The following TSHR variants were observed in gnomAD, a reference collection of about 807,000 sequenced individuals.
TSHR encodes the protein thyroid stimulating hormone receptor.
In TSHR, 51 loss-of-function variants were observed where a neutral mutation model predicts 64.1. The observed-to-expected ratio is 0.80, with a 90% CI of 0.64 to 1.01. TSHR has a LOEUF of 1.01. TSHR is among the 50% of genes least tolerant of loss of function. The pLI is 0.00. For missense variants in TSHR, 877 were observed against 942.8 expected (o/e 0.93, Z 0.91); for synonymous variants, 361 against 361.9 (o/e 1.00, Z 0.03).
At chr14:80,962,031 C>T (rs1034590794) in intron 1 of TSHR, among the ~76,000 whole-genome samples, 4 of 152,260 alleles carry the variant, frequency 2.6e-5, no homozygotes, top group South Asian at 2.1e-4. Context: ...GTGAGATCCT[C>T]CGGGTTGAAT....
At chr14:81,044,269 G>A (rs1424866728) in intron 1 of TSHR, among the ~76,000 whole-genome samples, 1 of 152,000 alleles carries the variant, frequency 6.6e-6, no homozygotes, top group African/African-American at 2.4e-5. Flanking sequence ...ATGGGCAAAG[G>A]ACAGGAATGG....
At chr14:80,959,366 C>T (rs1886897932) in intron 1 of TSHR, 1 of 152,162 alleles carries the variant, frequency 6.6e-6, no homozygotes, top group Non-Finnish European at 1.5e-5. Context: ...TAAATGTTGG[C>T]ATATAATTAT....
At chr14:81,017,973 G>T (rs1336157946) in intron 1 of TSHR, among the ~76,000 whole-genome samples, 1 of 151,946 alleles carries the variant, frequency 6.6e-6, no homozygotes, top group Non-Finnish European at 1.5e-5. Context: ...GGGATTACAG[G>T]TACCTACCAC....
At chr14:81,109,252 AC>A (rs1890115731) in intron 8 of TSHR, among the ~76,000 whole-genome samples, 2 of 152,110 alleles carry the variant, frequency 1.3e-5, no homozygotes, top group Admixed American at 1.3e-4. Flanking sequence ...CACTAAAAAT[AC>A]AAAAAATTAG....
intron 1 of TSHR, among the ~76,000 whole-genome samples, chr14:80,979,387 G>A (rs1888055070): frequency 6.6e-6 from 1 of 152,100 alleles, no homozygotes; most frequent in South Asian, 2.1e-4. Context: ...AGGAAGAAAT[G>A]AGGAGAGGTT....
chr14:81,088,069 A>AG, intron 4 of TSHR, 41 bp downstream of exon 4: 3 of 1,476,150 alleles, frequency 2.0e-6, no homozygotes, highest in Non-Finnish European at 2.8e-6. Flanking sequence ...TTCTGGGGGG[A>AG]GGGGGTCAGA....
intron 1 of TSHR, among the ~76,000 whole-genome samples, chr14:81,036,870 C>T (rs1884651466): frequency 6.6e-6 from 1 of 152,034 alleles, no homozygotes; most frequent in African/African-American, 2.4e-5. Context: ...AGGCCAGGTG[C>T]AGTAGCTCAT....
chr14:81,145,225 G>A lies in TSHR; in HGVS notation c.*872G>A, dbSNP rs1487170253. 1 of 232,958 alleles carries A rather than the reference G, an allele frequency of 4.3e-6. No homozygotes were observed. Among genetic ancestry groups the A allele is most frequent in the African/African-American group, 2.2e-5 (1 of 45,340 alleles). 14.4% of individuals were successfully genotyped at this position (232,958 alleles called of 1,614,324 possible). The stretch of plus-strand genomic sequence containing the variant: ...GGGACTTAAATCTGTAGAAATGAAG[G>A]AGTCCAATAGCTTCTTCCAATTTTA... On this transcript the variant is annotated 3_prime_UTR_variant, in exon 10 of 10. Coordinates refer to ENST00000298171, the MANE Select transcript of TSHR (RefSeq NM_000369.5).
intron 1 of TSHR, among the ~76,000 whole-genome samples, chr14:80,980,554 T>G (rs1888115179): frequency 1.3e-5 from 2 of 152,332 alleles, no homozygotes; most frequent in South Asian, 4.2e-4. Context: ...GACTTTTATT[T>G]GCTTTTAAGA....
At chr14:81,023,624 G>A (rs1883889914) in intron 1 of TSHR, among the ~76,000 whole-genome samples, 1 of 152,100 alleles carries the variant, frequency 6.6e-6, no homozygotes, top group African/African-American at 2.4e-5. Context: ...GTCCCTTACT[G>A]GCAAGGTACC....
chr14:81,049,805 A>G (rs1885342211), intron 1 of TSHR: 1 of 152,072 alleles, frequency 6.6e-6, no homozygotes, highest in African/African-American at 2.4e-5. Context: ...GTTGGTTTTT[A>G]AAGTATTCGG....
chr14:81,038,298 A>G (rs1884751290), intron 1 of TSHR, among the ~76,000 whole-genome samples: 1 of 152,202 alleles, frequency 6.6e-6, no homozygotes, highest in South Asian at 2.1e-4. Context: ...GAAAATGGAA[A>G]CACAACACAC....
At chr14:80,981,594 G>A (rs1888173955) in intron 1 of TSHR, among the ~76,000 whole-genome samples, 1 of 152,110 alleles carries the variant, frequency 6.6e-6, no homozygotes, top group Non-Finnish European at 1.5e-5. Context: ...GTGGTGATGA[G>A]GTCTGTTCCT....
At chr14:81,088,698 C>T (rs984807239) in intron 4 of TSHR, among the ~76,000 whole-genome samples, 2 of 152,042 alleles carry the variant, frequency 1.3e-5, no homozygotes, top group African/African-American at 4.8e-5. Flanking sequence ...TACTTGCATG[C>T]ATTATAAAGA....
In TSHR at chr14:81,143,740, G is replaced by T; in HGVS notation, c.1682G>T (p.Ser561Ile). Residue 561 changes from serine to isoleucine, a missense_variant, in exon 10 of 10, where the codon AGT (serine) becomes ATT (isoleucine). Transcript: ENST00000298171. ...GCCCTGCTTCCTTTGGTGGGAATAA[G>T]TAGCTATGCCAAAGTCAGTATCTGC... ...LLALLPLVGISSYAKVSICLP... is the reference protein window; with the variant it reads ...LLALLPLVGIISYAKVSICLP... The T allele has an allele frequency of 6.2e-7, 1 of 1,614,174 alleles. No homozygotes were observed. Among genetic ancestry groups the T allele is most frequent in the Non-Finnish European group, 8.5e-7 (1 of 1,180,020 alleles).
intron 8 of TSHR, among the ~76,000 whole-genome samples, chr14:81,138,699 G>T (rs192571393): frequency 6.6e-6 from 1 of 152,218 alleles, no homozygotes; most frequent in East Asian, 1.9e-4. Flanking sequence ...CAATTACAAC[G>T]ATGTGGGGGG....
At chr14:80,958,492 A>C (rs554122527) in intron 1 of TSHR, among the ~76,000 whole-genome samples, 3 of 152,304 alleles carry the variant, frequency 2.0e-5, no homozygotes, top group Non-Finnish European at 4.4e-5. Flanking sequence ...AGTCACATTC[A>C]GTAAACCGAC....
In TSHR at chr14:81,096,886, G is replaced by A. The variant is rs373685375; in HGVS notation, c.614+179G>A. On this transcript the variant is annotated intron_variant, in intron 7 of 9. Coordinates refer to ENST00000298171, the MANE Select transcript of TSHR (RefSeq NM_000369.5). The stretch of plus-strand genomic sequence containing the variant: ...GGGGCCCACTTTAGTGGGCGCTTAC[G>A]TTAGCTCCAATGGTAAGTTCCAAAG... Among the ~76,000 whole-genome samples, 56 of 151,672 alleles carry A rather than the reference G, an allele frequency of 3.7e-4. No homozygotes were observed. The East Asian group carries it at 9.3e-3, about 25-fold the overall frequency.
intron 8 of TSHR, among the ~76,000 whole-genome samples, chr14:81,122,165 T>C (rs1367647577): frequency 6.8e-6 from 1 of 147,992 alleles, no homozygotes; most frequent in African/African-American, 2.5e-5. Flanking sequence ...TGCCTCAGCC[T>C]CCCAAGTAGC....
Sources: allele counts gnomAD v4.1 joint callset (sites outside exome capture counted in the v4.1 genomes callset), GRCh38; gene constraint gnomAD v4.1.1; transcripts MANE v1.5; gene names NCBI Gene and HGNC (gene_info 2026-07-23, HGNC 2026-07-21).